MAGI2: variants seen among roughly 807,000 people sequenced by gnomAD.
MAGI2 encodes the protein membrane associated guanylate kinase, WW and PDZ domain containing 2.
In MAGI2, 35 loss-of-function variants were observed where a neutral mutation model predicts 133.3. The observed-to-expected ratio is 0.26, with a 90% confidence interval of 0.20 to 0.35. The LOEUF is 0.35. Among genes scored for constraint, MAGI2 ranks in the 10% least tolerant of loss-of-function variants. MAGI2 has a pLI of 1.00. For synonymous variants in MAGI2, 729 were observed against 710.6 expected (o/e 1.03, Z -0.41); for missense variants, 1,636 against 1,863.4 (o/e 0.88, Z 2.25).
intron 10 of MAGI2, among the ~76,000 whole-genome samples, chr7:78,206,277 C>T (rs1829721808): frequency 6.8e-6 from 1 of 147,080 alleles, no homozygotes; most frequent in African/African-American, 2.5e-5. Flanking sequence ...GACAACTTTT[C>T]TTTTTCCTTT....
intron 1 of MAGI2, among the ~76,000 whole-genome samples, chr7:79,346,824 A>C (rs1285501016): frequency 6.6e-6 from 1 of 151,992 alleles, no homozygotes; most frequent in Non-Finnish European, 1.5e-5. Flanking sequence ...TTGCATTCTT[A>C]GAGCTGTTCG....
intron 1 of MAGI2, among the ~76,000 whole-genome samples, chr7:79,441,498 C>T (rs1227266913): frequency 1.3e-5 from 2 of 151,816 alleles, no homozygotes; most frequent in Non-Finnish European, 2.9e-5. Flanking sequence ...ACTGTTTGGG[C>T]TAGCAAATAT....
chr7:78,263,281 T>C (rs570597358), intron 9 of MAGI2, among the ~76,000 whole-genome samples: 2 of 152,216 alleles, frequency 1.3e-5, no homozygotes, highest in Non-Finnish European at 2.9e-5. Flanking sequence ...AATGAACATA[T>C]GAGTGCATGT....
At chr7:79,071,238 T>A (rs1481692026) in intron 1 of MAGI2, among the ~76,000 whole-genome samples, 1 of 152,202 alleles carries the variant, frequency 6.6e-6, no homozygotes, top group East Asian at 1.9e-4. Flanking sequence ...TGCTGGAGCT[T>A]TGCTCCAGAC....
At chr7:78,727,444 C>A (rs1820928017) in intron 2 of MAGI2, among the ~76,000 whole-genome samples, 1 of 152,172 alleles carries the variant, frequency 6.6e-6, no homozygotes, top group Non-Finnish European at 1.5e-5. Flanking sequence ...TGATCCTATT[C>A]CTTAGAGTTT....
At chr7:79,280,475 G>A (rs1835551964) in intron 1 of MAGI2, among the ~76,000 whole-genome samples, 1 of 152,230 alleles carries the variant, frequency 6.6e-6, no homozygotes, top group East Asian at 1.9e-4. Flanking sequence ...ACAGATGACA[G>A]GAAGTTTTCG....
intron 2 of MAGI2, among the ~76,000 whole-genome samples, chr7:78,771,764 AAAT>A (rs979047535): frequency 2.9e-4 from 44 of 152,286 alleles, no homozygotes; most frequent in African/African-American, 1.0e-3. Flanking sequence ...AAGACAATAA[AAAT>A]AATAATGTGA....
chr7:78,995,037 A>G (rs1806150505), intron 2 of MAGI2, among the ~76,000 whole-genome samples: 1 of 152,144 alleles, frequency 6.6e-6, no homozygotes, highest in African/African-American at 2.4e-5. Flanking sequence ...TGTTTGTGCA[A>G]GAAGAATTCA....
chr7:78,923,165 T>G (rs1045308787), intron 2 of MAGI2, among the ~76,000 whole-genome samples: 22 of 152,232 alleles, frequency 1.4e-4, no homozygotes, highest in African/African-American at 4.6e-4. Flanking sequence ...CTGATGGTAG[T>G]TTCTTTTGCT....
At chr7:78,578,230 A>G (rs528692602) in intron 3 of MAGI2, among the ~76,000 whole-genome samples, 1 of 152,214 alleles carries the variant, frequency 6.6e-6, no homozygotes, top group South Asian at 2.1e-4. Context: ...ATACCAAGAA[A>G]GAGGAGCCTG....
chr7:78,458,673 T>A (rs368051171), intron 6 of MAGI2, among the ~76,000 whole-genome samples: 6 of 151,526 alleles, frequency 4.0e-5, no homozygotes, highest in Non-Finnish European at 7.4e-5. Context: ...CTCACTCTGT[T>A]ACCCAGGCTG....
chr7:79,158,919 C>A (rs563060313), intron 1 of MAGI2, among the ~76,000 whole-genome samples: 1 of 151,738 alleles, frequency 6.6e-6, no homozygotes, highest in African/African-American at 2.4e-5. Flanking sequence ...TTTTAATGTT[C>A]TTATTAAATA....
intron 2 of MAGI2, among the ~76,000 whole-genome samples, chr7:78,883,566 A>G (rs1279283776): frequency 6.6e-6 from 1 of 152,222 alleles, no homozygotes; most frequent in African/African-American, 2.4e-5. Flanking sequence ...TAGTCAAATC[A>G]GTCCTAAGAA....
chr7:78,676,937 T>C lies in MAGI2; in HGVS notation c.419-49698A>G, dbSNP rs12668151. 8.2e-4 allele frequency among the ~76,000 whole-genome samples: 125 copies of C among 152,276 alleles called. 2 individuals carry two copies. In the East Asian group the frequency reaches 0.022, roughly 27 times the overall value. On this transcript the variant is annotated intron_variant, in intron 2 of 21. Coordinates refer to ENST00000354212, the MANE Select transcript of MAGI2 (RefSeq NM_012301.4). ...TTGATTCAAAATTTTATGCTCCATGTAGTACTCATGACAGGGGATGAAAAG... is the reference window on the plus strand; with the variant it reads ...TTGATTCAAAATTTTATGCTCCATGCAGTACTCATGACAGGGGATGAAAAG...
chr7:79,229,281 T>C (rs1290977205), intron 1 of MAGI2, among the ~76,000 whole-genome samples: 1 of 152,202 alleles, frequency 6.6e-6, no homozygotes, highest in Non-Finnish European at 1.5e-5. Context: ...CATTATTGTT[T>C]TTTTCTACCT....
At chr7:78,741,873 T>C (rs1476195296) in intron 2 of MAGI2, among the ~76,000 whole-genome samples, 2 of 152,038 alleles carry the variant, frequency 1.3e-5, no homozygotes, top group African/African-American at 2.4e-5. Context: ...CTATCATCCA[T>C]AGATAATCTG....
intron 1 of MAGI2, among the ~76,000 whole-genome samples, chr7:79,047,726 T>G (rs1446046364): frequency 2.0e-5 from 3 of 152,158 alleles, no homozygotes; most frequent in Admixed American, 6.6e-5. Context: ...TATTATCACC[T>G]AGTATTATGA....
chr7:78,138,692 C>T (rs949287323), intron 16 of MAGI2, among the ~76,000 whole-genome samples: 7 of 145,328 alleles, frequency 4.8e-5, no homozygotes, highest in African/African-American at 7.7e-5. Context: ...GTATGCTCAA[C>T]GACAATGATA....
At chr7:78,109,328 A>AAAAAAAAAAAG (rs1563132987) in intron 20 of MAGI2, among the ~76,000 whole-genome samples, 21 of 136,378 alleles carry the variant, frequency 1.5e-4, no homozygotes, top group Non-Finnish European at 2.8e-4. Context: ...AAAAAAAAAA[A>AAAAAAAAAAAG]AAAAAAGAAA....
Sources: gnomAD v4.1 joint callset for allele counts (sites outside exome capture counted in the v4.1 genomes callset) on GRCh38, gnomAD v4.1.1 for gene constraint, MANE v1.5 for transcripts, NCBI Gene and HGNC (gene_info 2026-07-23, HGNC 2026-07-21) for gene names.